INSIG1: variants seen among roughly 807,000 people sequenced by gnomAD.
INSIG1 encodes insulin-induced gene 1 protein.
Under a neutral mutation model 26.5 loss-of-function variants are expected in INSIG1, and 14 were observed. That is an observed-to-expected ratio of 0.53 (90% CI 0.35 to 0.83). The LOEUF is 0.83. INSIG1 is among the 40% of genes least tolerant of loss of function. INSIG1 has a pLI of 0.01. For missense variants in INSIG1, 272 were observed against 368.9 expected, an observed-to-expected ratio of 0.74 and a Z score of 2.15; for synonymous variants, 147 against 153.3, an observed-to-expected ratio of 0.96 and a Z score of 0.30.
At position 155,298,655 on chromosome 7, in the gene INSIG1, T is replaced by G. The variant is rs758584360; in HGVS notation, c.370T>G (p.Ser124Ala). The G allele has an allele frequency of 6.2e-7, 1 of 1,612,832 alleles. No individual in the cohort carries two copies. The highest frequency in any genetic ancestry group is 1.1e-5 in the South Asian group (1 of 91,078). The change falls in exon 2 of 6, where the codon TCC (serine) becomes GCC (alanine). Residue 124 changes from serine (S) to alanine (A), a missense_variant. Transcript: ENST00000340368. ...CGAGGAGGTGATCGCCACCATCTTT[T>G]CCTCCGCCTGGTGGGTCCCTCCCTG... ...FPEEVIATIF[S>A]SAWWVPPCCG... is the part of the protein sequence containing the mutation.
rs746215366 is a variant in INSIG1, at chr7:155,298,593, A to T, written c.308A>T (p.Asn103Ile). 6.2e-7 allele frequency: 1 copy of T among 1,613,096 alleles called. No homozygotes were observed. Among genetic ancestry groups the T allele is most frequent in the South Asian group, 1.1e-5 (1 of 90,780 alleles). ...SVGVVLALVL[N>I]LLQIQRNVTL... ...GGGGTGGTCCTAGCCCTGGTGCTCA[A>T]CCTGCTGCAGATCCAGAGGAATGTC... is the stretch of plus-strand genomic sequence containing the variant. The change falls in exon 2 of 6, where the codon AAC (asparagine) becomes ATC (isoleucine). Residue 103 changes from asparagine to isoleucine, a missense_variant. Asn to Ile is a moderately radical substitution (Grantham distance 149, BLOSUM62 -3). Around this residue, in one of 2 missense-constraint regions of INSIG1, gnomAD observed 161 missense variants for 179.2 expected, o/e 0.90. Transcript: ENST00000340368.
At position 155,302,003 on chromosome 7, in the gene INSIG1, G is replaced by A. The variant is rs1024742278; in HGVS notation, c.538-248G>A. Among the ~76,000 whole-genome samples the A allele has an allele frequency of 2.7e-4, 40 of 146,306 alleles. No homozygotes were observed. The highest frequency in any genetic ancestry group is 9.8e-4 in the African/African-American group (39 of 39,616). On this transcript the variant is annotated intron_variant, in intron 3 of 5. Transcript: ENST00000340368. This position sits in a 1 kb window ranked among gnomAD's most constrained non-coding sequence, Gnocchi z 4.3. ...AATATATATAAGCACTTTATATATA[G>A]CTTTCAGCAAGTTTATTCTTATGGT...
At chr7:155,305,223 C>G (rs62471642) in intron 5 of INSIG1, among the ~76,000 whole-genome samples, 29,180 of 151,834 alleles carry the variant, frequency 0.19, 3,374 homozygotes, top group Non-Finnish European at 0.27. Flanking sequence ...ATGAAACTGA[C>G]CTCTGAGGTT....
Position 155,309,957 on chromosome 7 carries a change from G to A in INSIG1, c.*1687G>A, listed in dbSNP as rs369450229. The A allele has an allele frequency of 8.5e-5, 13 of 152,676 alleles. No individual in the cohort carries two copies. In the East Asian group the frequency reaches 1.5e-3, roughly 18 times the overall value. The allele number at this position is 152,676 out of a possible 1,614,324, so 9.5% of individuals were successfully genotyped here. A position where few individuals can be genotyped will look rare whatever the true frequency, so the allele number is the denominator to read the frequency against. The stretch of plus-strand genomic sequence containing the variant: ...GAATCTTTAAAACAGACTTGATCAC[G>A]CACACACAATAAGTCTTTCTCTCCG... On this transcript the variant is annotated 3_prime_UTR_variant, in exon 6 of 6. Transcript: ENST00000340368.
chr7:155,301,876 T>G (rs1461416473), intron 3 of INSIG1, among the ~76,000 whole-genome samples, 186 bp downstream of exon 3: 1 of 149,144 alleles, frequency 6.7e-6, no homozygotes, highest in East Asian at 1.9e-4. Flanking sequence ...GTAAAATATA[T>G]TGTTTTATGG....
chr7:155,300,418 T>C (rs191552320), intron 2 of INSIG1, among the ~76,000 whole-genome samples: 2 of 151,346 alleles, frequency 1.3e-5, no homozygotes, highest in Non-Finnish European at 2.9e-5. Flanking sequence ...TGATGAAGTA[T>C]AATAAATTGA....
At chr7:155,300,807 C>T (rs752357716) in intron 2 of INSIG1, among the ~76,000 whole-genome samples, 6 of 152,202 alleles carry the variant, frequency 3.9e-5, no homozygotes, top group South Asian at 2.1e-4. Context: ...TGCAGAGCCA[C>T]GTCCCATCAG....
intron 2 of INSIG1, among the ~76,000 whole-genome samples, 155 bp from the exon 3 acceptor site, chr7:155,301,411 G>A (rs1207178450): frequency 6.6e-6 from 1 of 152,192 alleles, no homozygotes. Context: ...GGTACTCAAA[G>A]AGAACAAGAA....
chr7:155,298,651 CT>C lies in INSIG1; in HGVS notation c.370del (p.Ser124ProfsTer45). 1 of 1,613,028 alleles carries C rather than the reference CT, an allele frequency of 6.2e-7. No homozygotes were observed. Reference protein sequence around the residue: ...LFPEEVIATIFSSAWWVPPCC... With the variant: ...LFPEEVIATIXSSAWWVPPCC... ...TCCCCGAGGAGGTGATCGCCACCAT[CT>C]TTTCCTCCGCCTGGTGGGTCCCTCC... On this transcript the variant is annotated frameshift_variant, in exon 2 of 6. Transcript: ENST00000340368. LOFTEE classifies it high-confidence loss of function.
rs1235131836 is a variant in INSIG1 at position 155,302,475 on chromosome 7, A to C, written c.704+58A>C. 8.4e-6 allele frequency: 12 copies of C among 1,422,260 alleles called. No individual in the cohort carries two copies. 88.1% of individuals were successfully genotyped at this position (1,422,260 alleles called of 1,614,324 possible). A position where few individuals can be genotyped will look rare whatever the true frequency, so the allele number is the denominator to read the frequency against. On this transcript the variant is annotated intron_variant, in intron 4 of 5. Transcript: ENST00000340368. The surrounding 1 kb of genome is among the most constrained non-coding windows in gnomAD (Gnocchi z 4.3). ...AAGCTTACTTAACTTTCATTAAAAC[A>C]TCCACTAAGCTTAGATATTTTCATA...
rs1257017902 is a variant in INSIG1 at position 155,298,246 on chromosome 7, C to A, written c.-27-13C>A. 2.1e-6 allele frequency: 3 copies of A among 1,445,320 alleles called. No individual in the cohort carries two copies. The highest frequency in any genetic ancestry group is 2.9e-5 in the Admixed American group (1 of 33,950). 89.5% of individuals were successfully genotyped at this position (1,445,320 alleles called of 1,614,324 possible). A position where few individuals can be genotyped will look rare whatever the true frequency, so the allele number is the denominator to read the frequency against. Reference sequence around the variant, plus strand: ...GTCTCTTCTGAGTGAACTTGATGACCCCCTTCTTCCAGGAAGCGCCTCTTG... The same window carrying A: ...GTCTCTTCTGAGTGAACTTGATGACACCCTTCTTCCAGGAAGCGCCTCTTG... On this transcript the variant is annotated splice_polypyrimidine_tract_variant and intron_variant, in intron 1 of 5. Coordinates refer to ENST00000340368, the MANE Select transcript of INSIG1 (RefSeq NM_005542.6).
Position 155,298,424 on chromosome 7 carries a change from C to G in INSIG1, c.139C>G (p.Leu47Val). 6.4e-7 allele frequency: 1 copy of G among 1,557,076 alleles called. No homozygotes were observed. The highest frequency in any genetic ancestry group is 1.7e-4 in the Middle Eastern group (1 of 5,894). The change falls in exon 2 of 6, where the codon CTG (leucine) becomes GTG (valine). Residue 47 changes from leucine (L) to valine (V), a missense_variant. Coordinates refer to ENST00000340368, the MANE Select transcript of INSIG1 (RefSeq NM_005542.6). ...MINVSVSGPSLLAAHGAPDAD... is the reference protein window; with the variant it reads ...MINVSVSGPSVLAAHGAPDAD... Reference sequence around the variant, plus strand: ...CAACGTTTCCGTGTCCGGGCCCTCCCTGCTGGCGGCCCACGGTGCCCCGGA... The same window carrying G: ...CAACGTTTCCGTGTCCGGGCCCTCCGTGCTGGCGGCCCACGGTGCCCCGGA...
At chr7:155,306,359 T>C (rs549874894) in intron 5 of INSIG1, among the ~76,000 whole-genome samples, 31 of 152,262 alleles carry the variant, frequency 2.0e-4, no homozygotes, top group Admixed American at 6.5e-4. Context: ...CTTGTAGTTG[T>C]TGCTGTTTGT....
Position 155,308,738 on chromosome 7 carries a change from TAAAAA to T in INSIG1, c.*475_*479del, listed in dbSNP as rs11323287. 6.7e-6 allele frequency: 1 copy of T among 149,928 alleles called. No homozygotes were observed. Among genetic ancestry groups the T allele is most frequent in the Non-Finnish European group, 1.5e-5 (1 of 67,924 alleles). 9.3% of individuals were successfully genotyped at this position (149,928 alleles called of 1,614,324 possible). On this transcript the variant is annotated 3_prime_UTR_variant, in exon 6 of 6. Coordinates refer to ENST00000340368, the MANE Select transcript of INSIG1 (RefSeq NM_005542.6). ...AGATTTTTAAAAATAGGGCTGTGTT[TAAAAA>T]AAAAAACAAAACAAGAAAAGCAGCA...
In INSIG1 at chr7:155,302,671, A is replaced by G. The variant is rs189017800; in HGVS notation, c.705-76A>G. Reference sequence around the variant, plus strand: ...GTTGATATGCGTTCTGCATATCCCCACTACAGAGAATCTGTGATGTAGAAT... The same window carrying G: ...GTTGATATGCGTTCTGCATATCCCCGCTACAGAGAATCTGTGATGTAGAAT... On this transcript the variant is annotated intron_variant, in intron 4 of 5. Coordinates refer to ENST00000340368, the MANE Select transcript of INSIG1 (RefSeq NM_005542.6). This position sits in a 1 kb window ranked among gnomAD's most constrained non-coding sequence, Gnocchi z 4.3. 2.2e-4 allele frequency: 234 copies of G among 1,053,872 alleles called. 1 individual carries two copies. In the South Asian group the frequency reaches 2.8e-3, roughly 12 times the overall value. The allele number at this position is 1,053,872 out of a possible 1,614,324, so 65.3% of individuals were successfully genotyped here. A position where few individuals can be genotyped will look rare whatever the true frequency, so the allele number is the denominator to read the frequency against.
intron 5 of INSIG1, among the ~76,000 whole-genome samples, chr7:155,305,746 T>A (rs1367251544): frequency 1.3e-5 from 2 of 152,200 alleles, no homozygotes; most frequent in African/African-American, 4.8e-5. Flanking sequence ...CCTCTCCTTC[T>A]TAGCTGTCTC....
chr7:155,305,733 C>T (rs914736012), intron 5 of INSIG1, among the ~76,000 whole-genome samples: 2 of 152,198 alleles, frequency 1.3e-5, no homozygotes, highest in African/African-American at 2.4e-5. Flanking sequence ...GTGCACTCCA[C>T]ACCCTCTCCT....
In INSIG1 at chr7:155,302,564, T is replaced by C. The variant is rs1328321048; in HGVS notation, c.704+147T>C. 1 of 1,024,522 alleles carries C rather than the reference T, an allele frequency of 9.8e-7. No individual in the cohort carries two copies. The highest frequency in any genetic ancestry group is 1.4e-6 in the Non-Finnish European group (1 of 716,266). 63.5% of individuals were successfully genotyped at this position (1,024,522 alleles called of 1,614,324 possible). A position where few individuals can be genotyped will look rare whatever the true frequency, so the allele number is the denominator to read the frequency against. On this transcript the variant is annotated intron_variant, in intron 4 of 5. Coordinates refer to ENST00000340368, the MANE Select transcript of INSIG1 (RefSeq NM_005542.6). The surrounding 1 kb of genome is among the most constrained non-coding windows in gnomAD (Gnocchi z 4.3). ...CATGAAATTCTCAAAAATGCTGCTA[T>C]CCATAACTTAATGTAACGCAAAGGA...
At chr7:155,299,994 T>G (rs1205018609) in intron 2 of INSIG1, among the ~76,000 whole-genome samples, 1 of 152,086 alleles carries the variant, frequency 6.6e-6, no homozygotes, top group African/African-American at 2.4e-5. Flanking sequence ...TGTCTGTAAT[T>G]ATTAAGTAGT....
Sources: allele counts gnomAD v4.1 joint callset (sites outside exome capture counted in the v4.1 genomes callset), GRCh38; gene constraint gnomAD v4.1.1; regional missense constraint gnomAD v4.1.1; non-coding constraint Gnocchi (gnomAD v3.1); transcripts MANE v1.5; gene names NCBI Gene and HGNC (gene_info 2026-07-23, HGNC 2026-07-21).